Variants in ZCWPW1 observed in about 807,000 individuals in gnomAD.
ZCWPW1 encodes the protein zinc finger CW-type PWWP domain protein 1.
A neutral mutation model predicts 81.3 loss-of-function variants in ZCWPW1; 56 were observed. The ratio of observed to expected loss-of-function variants is 0.69; its 90% CI spans 0.56 to 0.86. ZCWPW1 has a LOEUF of 0.86. Ranked by LOEUF, ZCWPW1 falls within the 40% of genes least tolerant of loss-of-function variation. ZCWPW1 has a pLI of 0.00. For missense variants in ZCWPW1, 650 were observed against 769.8 expected (o/e 0.84, Z 1.84); for synonymous variants, 250 against 273.7 (o/e 0.91, Z 0.86).
At chr7:100,402,142 C>T in intron 16 of ZCWPW1, 101 bp from the exon 17 acceptor site, 1 of 1,442,876 alleles carries the variant, frequency 6.9e-7, no homozygotes, top group Non-Finnish European at 9.3e-7. Context: ...ACATCTTCTG[C>T]TCAGTTGCAA....
intron 1 of ZCWPW1, among the ~76,000 whole-genome samples, chr7:100,426,893 CCTCCTTCTTCCTTCCT>C (rs1477263731): frequency 1.9e-5 from 1 of 52,880 alleles, no homozygotes; most frequent in African/African-American, 8.4e-5. Context: ...CCCTGCTTCC[CCTCCTTCTTCCTTCCT>C]CTCCCTCCCT....
chr7:100,401,833 G>A, intron 17 of ZCWPW1, 56 bp downstream of exon 17: 1 of 1,536,390 alleles, frequency 6.5e-7, no homozygotes, highest in Non-Finnish European at 8.8e-7. Context: ...TTCAGGGAGG[G>A]GAGATGCTGA....
chr7:100,417,857 GTTTTTGGT>G (rs1031600165), intron 5 of ZCWPW1, among the ~76,000 whole-genome samples: 3 of 151,810 alleles, frequency 2.0e-5, no homozygotes, highest in African/African-American at 4.8e-5. Context: ...CTTCATAGAG[GTTTTTGGT>G]TTTTTGGTTT....
chr7:100,424,364 C>G (rs1206147689), intron 2 of ZCWPW1, among the ~76,000 whole-genome samples: 2 of 152,122 alleles, frequency 1.3e-5, no homozygotes, highest in Non-Finnish European at 2.9e-5. Flanking sequence ...GGGAGTAGAA[C>G]TGGGTAGATG....
At chr7:100,409,650 G>T in intron 8 of ZCWPW1, 106 bp from the exon 9 acceptor site, 1 of 783,450 alleles carries the variant, frequency 1.3e-6, no homozygotes, top group Non-Finnish European at 2.1e-6. Flanking sequence ...GACATAGCCA[G>T]AGAGACATTA....
At chr7:100,406,617 C>T in intron 12 of ZCWPW1, 77 bp downstream of exon 12, 2 of 1,364,744 alleles carry the variant, frequency 1.5e-6, no homozygotes, top group Non-Finnish European at 2.1e-6. Context: ...CATGGCTTAC[C>T]CTGGGAGAAA....
In ZCWPW1 at chr7:100,419,255, A is replaced by C. The variant is rs563557555; in HGVS notation, c.283-66T>G. 2.1e-6 allele frequency: 3 copies of C among 1,410,172 alleles called. No homozygotes were observed. The South Asian group carries it at 3.7e-5, about 17-fold the overall frequency. 87.4% of individuals were successfully genotyped at this position (1,410,172 alleles called of 1,614,324 possible). A position where few individuals can be genotyped will look rare whatever the true frequency, so the allele number is the denominator to read the frequency against. ...CCATAGTTTTCCCCTCTGAACAGTC[A>C]GGGAAGCCTCCTTCAGATGAGGCAG... On this transcript the variant is annotated intron_variant, in intron 4 of 17. Coordinates refer to ENST00000684423, the MANE Select transcript of ZCWPW1 (RefSeq NM_001386010.1).
At chr7:100,420,854 T>C (rs368913682) in intron 2 of ZCWPW1, among the ~76,000 whole-genome samples, 176 bp from the exon 3 acceptor site, 7 of 152,176 alleles carry the variant, frequency 4.6e-5, no homozygotes, top group African/African-American at 7.2e-5. Flanking sequence ...GTTTTAAAGA[T>C]TGGCAACAAT....
chr7:100,407,421 C>T, intron 10 of ZCWPW1, 118 bp from the exon 11 acceptor site: 1 of 869,480 alleles, frequency 1.2e-6, no homozygotes, highest in South Asian at 1.6e-5. Context: ...GAGACAAGGT[C>T]TCACTCTGTC....
chr7:100,416,172 G>C, intron 7 of ZCWPW1, 75 bp from the exon 8 acceptor site: 1 of 1,599,470 alleles, frequency 6.3e-7, no homozygotes, highest in Admixed American at 1.7e-5. Flanking sequence ...GTCAGTGAAA[G>C]AAGGAAGAAG....
chr7:100,420,700 C>T, intron 2 of ZCWPW1, 22 bp from the exon 3 acceptor site: 2 of 1,605,108 alleles, frequency 1.2e-6, no homozygotes, highest in Non-Finnish European at 8.5e-7. Context: ...AAGAAATTAA[C>T]TGCTATGACT....
chr7:100,427,596 G>A (rs1183973708), intron 1 of ZCWPW1, among the ~76,000 whole-genome samples: 1 of 151,830 alleles, frequency 6.6e-6, no homozygotes, highest in Non-Finnish European at 1.5e-5. Flanking sequence ...CTCCTCGGGA[G>A]GCTGAGGCAG....
At chr7:100,405,375 C>T (rs1246883809) in intron 12 of ZCWPW1, among the ~76,000 whole-genome samples, 3 of 150,922 alleles carry the variant, frequency 2.0e-5, no homozygotes, top group African/African-American at 7.3e-5. Context: ...TGCAGTGAGC[C>T]GAGATTACAC....
At chr7:100,413,739 C>CT (rs1472799663) in intron 8 of ZCWPW1, among the ~76,000 whole-genome samples, 6 of 152,174 alleles carry the variant, frequency 3.9e-5, no homozygotes, top group African/African-American at 1.4e-4. Flanking sequence ...TTTTCCATTT[C>CT]TTTTTTAATA....
In ZCWPW1 at chr7:100,406,094, G is replaced by A. The variant is rs527400996; in HGVS notation, c.1173+600C>T. Among the ~76,000 whole-genome samples, 55 of 152,238 alleles carry A rather than the reference G, an allele frequency of 3.6e-4. 3 individuals carry two copies. In the South Asian group the frequency reaches 0.011, roughly 32 times the overall value. ...CATTGCTTGATTTTCTAAGGCCCCT[G>A]AGCCATTGAGCCTCTGCTCAATTGC... On this transcript the variant is annotated intron_variant, in intron 12 of 17. Coordinates refer to ENST00000684423, the MANE Select transcript of ZCWPW1 (RefSeq NM_001386010.1).
chr7:100,412,884 T>TTTTTTAAATAATATTTTTTATTA (rs1794493358), intron 8 of ZCWPW1, among the ~76,000 whole-genome samples: 1 of 152,086 alleles, frequency 6.6e-6, no homozygotes, highest in Non-Finnish European at 1.5e-5. Flanking sequence ...CCCAGCCTTA[T>TTTTTTAAATAATATTTTTTATTA]TTTTTAAATA....
At chr7:100,420,220 G>A (rs1384333951) in intron 3 of ZCWPW1, among the ~76,000 whole-genome samples, 1 of 152,144 alleles carries the variant, frequency 6.6e-6, no homozygotes, top group Non-Finnish European at 1.5e-5. Flanking sequence ...TTTTACTTTA[G>A]ATAAAATGTT....
chr7:100,407,377 C>T, intron 10 of ZCWPW1, 74 bp from the exon 11 acceptor site: 1 of 1,324,038 alleles, frequency 7.6e-7, no homozygotes, highest in South Asian at 1.2e-5. Context: ...CATCAATGTA[C>T]ATGCACAGAG....
rs1453424913 is a variant in ZCWPW1, at chr7:100,406,686, G to A, written c.1173+8C>T. On this transcript the variant is annotated splice_region_variant and intron_variant, in intron 12 of 17. Coordinates refer to ENST00000684423, the MANE Select transcript of ZCWPW1 (RefSeq NM_001386010.1). ...CTGTATCACAACAGAACCCCAAGATGTGCTCACCATGACTGATAGCTCCAG... is the reference window on the plus strand; with the variant it reads ...CTGTATCACAACAGAACCCCAAGATATGCTCACCATGACTGATAGCTCCAG... 2 of 1,612,084 alleles carry A rather than the reference G, an allele frequency of 1.2e-6. No homozygotes were observed. Among genetic ancestry groups the A allele is most frequent in the Non-Finnish European group, 1.7e-6 (2 of 1,178,290 alleles).
Sources: gnomAD v4.1 joint callset for allele counts (sites outside exome capture counted in the v4.1 genomes callset) on GRCh38, gnomAD v4.1.1 for gene constraint, MANE v1.5 for transcripts, NCBI Gene and HGNC (gene_info 2026-07-23, HGNC 2026-07-21) for gene names.